The following RNF144A variants were observed in gnomAD, a reference collection of about 807,000 sequenced individuals.
RNF144A encodes the protein ring finger protein 144A.
A neutral mutation model predicts 38.7 loss-of-function variants in RNF144A; 11 were observed. The ratio of observed to expected loss-of-function variants is 0.28; its 90% confidence interval spans 0.18 to 0.47. The LOEUF (loss-of-function observed/expected upper bound fraction) is 0.47, where lower values mean the gene tolerates loss of function less well. Among genes scored for constraint, RNF144A ranks in the 20% least tolerant of loss-of-function variants. The probability of loss-of-function intolerance (pLI) is 0.99; values close to 1 mark genes in which losing one functional copy is unlikely to be tolerated. For missense variants in RNF144A, 316 were observed against 377.2 expected, an observed-to-expected ratio of 0.84 and a Z score of 1.34; for synonymous variants, 149 against 143.9, an observed-to-expected ratio of 1.04 and a Z score of -0.25.
intron 1 of RNF144A, among the ~76,000 whole-genome samples, 160 bp from the exon 2 acceptor site, chr2:6,940,788 C>T (rs1480085694): frequency 6.6e-6 from 1 of 151,902 alleles, no homozygotes; most frequent in Non-Finnish European, 1.5e-5. Context: ...CATAGTAAAC[C>T]TCAGTTTTTT....
At chr2:6,950,714 G>A (rs950729097) in intron 2 of RNF144A, among the ~76,000 whole-genome samples, 11 of 152,172 alleles carry the variant, frequency 7.2e-5, no homozygotes, top group Admixed American at 3.9e-4. Flanking sequence ...CTAACACTTG[G>A]CATTAGGTGT....
At chr2:6,971,917 G>A (rs1424314335) in intron 2 of RNF144A, among the ~76,000 whole-genome samples, 2 of 152,154 alleles carry the variant, frequency 1.3e-5, no homozygotes, top group African/African-American at 2.4e-5. Flanking sequence ...TGAACCTAAT[G>A]CAGTTTCCTT....
chr2:6,979,846 T>G lies in RNF144A; in HGVS notation c.-11-17070T>G, dbSNP rs144358283. On this transcript the variant is annotated intron_variant, in intron 2 of 8. Transcript: ENST00000320892. Reference sequence around the variant, plus strand: ...TTAATGTATTAGTTCATTTTCACACTGCTGTAATGATACTACCTGAGACTG... The same window carrying G: ...TTAATGTATTAGTTCATTTTCACACGGCTGTAATGATACTACCTGAGACTG... 9.0e-3 allele frequency among the ~76,000 whole-genome samples: 1,366 copies of G among 152,332 alleles called. 14 individuals are homozygous for G. Among genetic ancestry groups the G allele is most frequent in the African/African-American group, 0.031 (1,291 of 41,566 alleles).
chr2:6,995,795 T>C (rs975362850), intron 2 of RNF144A, among the ~76,000 whole-genome samples: 24 of 152,228 alleles, frequency 1.6e-4, no homozygotes, highest in African/African-American at 5.3e-4. Context: ...TAATCTCCTT[T>C]GGCAGTACCC....
chr2:7,074,385 T>C, the RNF144A span: 1 of 152,150 alleles, frequency 6.6e-6, no homozygotes, highest in African/African-American at 2.4e-5. Flanking sequence ...AGTGCAACCA[T>C]AGCCCATACC....
chr2:7,009,456 C>A (rs528329454), intron 3 of RNF144A, among the ~76,000 whole-genome samples: 1 of 150,982 alleles, frequency 6.6e-6, no homozygotes, highest in East Asian at 1.9e-4. Context: ...CAGGAGGCGG[C>A]GGGTCTAAAG....
chr2:7,020,836 T>C (rs1671480115), intron 6 of RNF144A, 156 bp downstream of exon 6: 1 of 639,970 alleles, frequency 1.6e-6, no homozygotes, highest in Non-Finnish European at 2.7e-6. Context: ...AAGCCTGTCA[T>C]TATTTGTATG....
chr2:7,067,091 G>A (rs570420434), intron 6 of RNF144A, among the ~76,000 whole-genome samples: 13 of 152,310 alleles, frequency 8.5e-5, no homozygotes, highest in South Asian at 2.1e-4. Context: ...GGTAAATGGA[G>A]AGAGAGAAAT....
chr2:7,067,941 C>T (rs1199458343), intron 6 of RNF144A, among the ~76,000 whole-genome samples: 1 of 152,192 alleles, frequency 6.6e-6, no homozygotes. Flanking sequence ...GGCCTGTTTT[C>T]AGCAAGAATC....
At chr2:7,008,981 A>C (rs1670624376) in intron 3 of RNF144A, among the ~76,000 whole-genome samples, 2 of 152,184 alleles carry the variant, frequency 1.3e-5, no homozygotes, top group African/African-American at 2.4e-5. Context: ...ACACAAAATC[A>C]TTCCGTCCAC....
chr2:6,968,932 A>C (rs1188182588), intron 2 of RNF144A, among the ~76,000 whole-genome samples: 2 of 152,158 alleles, frequency 1.3e-5, no homozygotes, highest in Non-Finnish European at 2.9e-5. Context: ...CCTGCTGGTC[A>C]GATGAGGTCT....
chr2:6,994,662 G>A (rs1669608580), intron 2 of RNF144A, among the ~76,000 whole-genome samples: 1 of 152,146 alleles, frequency 6.6e-6, no homozygotes, highest in Non-Finnish European at 1.5e-5. Flanking sequence ...ACCAGCTTGA[G>A]GTCAAATCAT....
intron 2 of RNF144A, among the ~76,000 whole-genome samples, chr2:6,993,611 G>C (rs1669535223): frequency 6.6e-6 from 1 of 152,152 alleles, no homozygotes. Context: ...CTGTGGAGCG[G>C]TTAAGCTCTG....
chr2:6,924,924 C>A (rs569973326), intron 1 of RNF144A, among the ~76,000 whole-genome samples: 1 of 152,304 alleles, frequency 6.6e-6, no homozygotes, highest in Non-Finnish European at 1.5e-5. Context: ...TCCAAGGGAG[C>A]CTTTGCTTTG....
chr2:7,042,269 C>G lies in RNF144A; in HGVS notation c.*2509C>G, dbSNP rs903518704. On this transcript the variant is annotated 3_prime_UTR_variant, in exon 9 of 9. Transcript: ENST00000320892. Reference sequence around the variant, plus strand: ...ATGTAAAATGGAAATAGCACACAGGCAGATGGCCCTGGGTTTGGACTTTGA... The same window carrying G: ...ATGTAAAATGGAAATAGCACACAGGGAGATGGCCCTGGGTTTGGACTTTGA... 1.0e-6 allele frequency: 1 copy of G among 985,426 alleles called. No homozygotes were observed. Among genetic ancestry groups the G allele is most frequent in the Non-Finnish European group, 1.2e-6 (1 of 829,932 alleles). The allele number at this position is 985,426 out of a possible 1,614,324, so 61.0% of individuals were successfully genotyped here.
chr2:6,997,463 A>T (rs1669825248), intron 3 of RNF144A, among the ~76,000 whole-genome samples: 1 of 152,234 alleles, frequency 6.6e-6, no homozygotes. Flanking sequence ...TTCAGTCCTC[A>T]GTGTCATCTC....
chr2:6,977,488 C>T (rs913771672), intron 2 of RNF144A, among the ~76,000 whole-genome samples: 12 of 152,272 alleles, frequency 7.9e-5, no homozygotes, highest in African/African-American at 2.7e-4. Flanking sequence ...GAGGATCGCA[C>T]CTCATTACTA....
At chr2:7,050,639 TC>T (rs1673484469) in intron 6 of RNF144A, among the ~76,000 whole-genome samples, 1 of 152,196 alleles carries the variant, frequency 6.6e-6, no homozygotes, top group African/African-American at 2.4e-5. Context: ...GCCTTCTGCT[TC>T]CTGTGTCGTT....
intron 2 of RNF144A, among the ~76,000 whole-genome samples, chr2:6,949,705 A>G (rs1162329467): frequency 6.6e-6 from 1 of 152,138 alleles, no homozygotes; most frequent in African/African-American, 2.4e-5. Context: ...CTTTCAATTC[A>G]TTGACAAATC....
Sources: gnomAD v4.1 joint callset for allele counts (sites outside exome capture counted in the v4.1 genomes callset) on GRCh38, gnomAD v4.1.1 for gene constraint, MANE v1.5 for transcripts, NCBI Gene and HGNC (gene_info 2026-07-23, HGNC 2026-07-21) for gene names.